The following IL1RAPL1 variants were observed in gnomAD, a reference collection of about 807,000 sequenced individuals.
The protein encoded by IL1RAPL1 is interleukin-1 receptor accessory protein-like 1.
A neutral mutation model predicts 48.4 loss-of-function variants in IL1RAPL1; 3 were observed. The ratio of observed to expected loss-of-function variants is 0.06; its 90% CI spans 0.03 to 0.16. The LOEUF is 0.16. Ranked by LOEUF, IL1RAPL1 falls within the 10% of genes least tolerant of loss-of-function variation. IL1RAPL1 has a pLI of 1.00. For synonymous variants in IL1RAPL1, 185 were observed against 187.7 expected, an observed-to-expected ratio of 0.99 and a Z score of 0.12; for missense variants, 349 against 530.6, an observed-to-expected ratio of 0.66 and a Z score of 3.36.
At chrX:28,589,322 C>G (rs1342579267) in intron 1 of IL1RAPL1, among the ~76,000 whole-genome samples, 1 of 111,340 alleles carries the variant, frequency 9.0e-6, no homozygotes, top group Non-Finnish European at 1.9e-5. Context: ...GAGAGAGGCT[C>G]CATCACCCTG....
intron 2 of IL1RAPL1, among the ~76,000 whole-genome samples, chrX:29,054,046 T>C: frequency 9.0e-6 from 1 of 111,595 alleles, no homozygotes; most frequent in Non-Finnish European, 1.9e-5. Flanking sequence ...ACATTTGTTA[T>C]TCATTCATCT....
At chrX:28,951,189 G>A (rs1357179591) in intron 2 of IL1RAPL1, among the ~76,000 whole-genome samples, 2 of 103,055 alleles carry the variant, frequency 1.9e-5, no homozygotes, top group Non-Finnish European at 4.0e-5. Context: ...GAGTTAGTGG[G>A]TGCAGCGCAC....
In IL1RAPL1 at chrX:29,545,178, CCTATCTATCTATCTATCTAT is replaced by C. The variant is rs74314245; in HGVS notation, c.704-123207_704-123188del. 4.6e-3 allele frequency among the ~76,000 whole-genome samples: 423 copies of C among 91,838 alleles called. 4 individuals carry two copies. Among genetic ancestry groups the C allele is most frequent in the African/African-American group, 0.013 (316 of 24,953 alleles). 79.8% of individuals were successfully genotyped at this position (91,838 alleles called of 115,157 possible). On this transcript the variant is annotated intron_variant, in intron 5 of 10. Coordinates refer to ENST00000378993, the MANE Select transcript of IL1RAPL1 (RefSeq NM_014271.4). ...GTTACTGCAGCCCTGGAAAACTAATCCTATCTATCTATCTATCTATCTATCTATCTATCTATCTATCTATC... is the reference window on the plus strand; with the variant it reads ...GTTACTGCAGCCCTGGAAAACTAATCCTATCTATCTATCTATCTATCTATC...
chrX:28,686,216 A>G (rs1935108442), intron 1 of IL1RAPL1, among the ~76,000 whole-genome samples: 1 of 112,269 alleles, frequency 8.9e-6, no homozygotes, highest in African/African-American at 3.2e-5. Flanking sequence ...TAAACAAAAC[A>G]CATCATCAGG....
At chrX:28,726,072 A>G (rs1281429104) in intron 1 of IL1RAPL1, among the ~76,000 whole-genome samples, 1 of 112,073 alleles carries the variant, frequency 8.9e-6, no homozygotes, top group Non-Finnish European at 1.9e-5. Context: ...TTTTTTCTAA[A>G]TTGTGAAGAA....
chrX:28,729,931 G>C (rs1935733538), intron 1 of IL1RAPL1, among the ~76,000 whole-genome samples: 1 of 111,366 alleles, frequency 9.0e-6, no homozygotes, highest in African/African-American at 3.3e-5. Context: ...AGGAGGCGGA[G>C]CTTGCAGTGA....
chrX:28,693,894 A>G (rs896799681), intron 1 of IL1RAPL1, among the ~76,000 whole-genome samples: 3 of 111,773 alleles, frequency 2.7e-5, no homozygotes, highest in African/African-American at 9.8e-5. Context: ...TCAATATTCA[A>G]TTATATAAGA....
At chrX:29,915,878 T>C (rs1245543136) in intron 6 of IL1RAPL1, among the ~76,000 whole-genome samples, 1 of 73,289 alleles carries the variant, frequency 1.4e-5, no homozygotes, top group African/African-American at 5.0e-5. Flanking sequence ...TAGGTATATC[T>C]CCCAATGCTA....
At chrX:29,754,126 C>T (rs774734462) in intron 6 of IL1RAPL1, among the ~76,000 whole-genome samples, 2 of 111,685 alleles carry the variant, frequency 1.8e-5, no homozygotes, top group Non-Finnish European at 3.8e-5. Context: ...AATTCTACTC[C>T]TTCAAGTGCG....
At chrX:29,560,646 G>A (rs764220414) in intron 5 of IL1RAPL1, among the ~76,000 whole-genome samples, 41 of 111,411 alleles carry the variant, frequency 3.7e-4, no homozygotes, top group South Asian at 7.5e-4. Context: ...GCTTTATCAC[G>A]TCTGCTATTT....
At chrX:29,812,306 T>C (rs1292731071) in intron 6 of IL1RAPL1, among the ~76,000 whole-genome samples, 3 of 112,260 alleles carry the variant, frequency 2.7e-5, no homozygotes, top group Middle Eastern at 4.3e-3. Context: ...TTATTTCCTT[T>C]TTTATGCTTT....
intron 2 of IL1RAPL1, among the ~76,000 whole-genome samples, chrX:28,911,198 G>T (rs1190290965): frequency 9.0e-6 from 1 of 111,454 alleles, no homozygotes; most frequent in East Asian, 2.8e-4. Flanking sequence ...GTAATGCATA[G>T]TATCACATCA....
chrX:28,800,469 T>C (rs181216664), intron 2 of IL1RAPL1, among the ~76,000 whole-genome samples: 90 of 111,181 alleles, frequency 8.1e-4, no homozygotes, highest in African/African-American at 2.5e-3. Context: ...AGGGAAAACA[T>C]GCAGAGAGAG....
chrX:29,338,385 G>T (rs1933026908), intron 3 of IL1RAPL1, among the ~76,000 whole-genome samples: 1 of 111,891 alleles, frequency 8.9e-6, no homozygotes, highest in South Asian at 3.7e-4. Context: ...TTCTAAGAAG[G>T]TTTTGTAGAT....
intron 2 of IL1RAPL1, among the ~76,000 whole-genome samples, chrX:29,054,277 T>C (rs1341781457): frequency 9.0e-6 from 1 of 111,422 alleles, no homozygotes; most frequent in Non-Finnish European, 1.9e-5. Flanking sequence ...TTGAAATTGC[T>C]ATTCCCTCTT....
intron 8 of IL1RAPL1, among the ~76,000 whole-genome samples, chrX:29,924,243 G>A (rs1184608143): frequency 8.9e-6 from 1 of 112,097 alleles, no homozygotes; most frequent in African/African-American, 3.2e-5. Context: ...TCTGGCTAAT[G>A]AAGGATGCAG....
At position 29,464,976 on chromosome X, in the gene IL1RAPL1, G is replaced by T. The variant is rs72625532; in HGVS notation, c.703+65668G>T. On this transcript the variant is annotated intron_variant, in intron 5 of 10. Transcript: ENST00000378993. ...GAAAAACTACCTATTGGGTACTATGGTTATTACCTGGGTGACAAAATAATC... is the reference window on the plus strand; with the variant it reads ...GAAAAACTACCTATTGGGTACTATGTTTATTACCTGGGTGACAAAATAATC... Among the ~76,000 whole-genome samples, 107 of 111,661 alleles carry T rather than the reference G, an allele frequency of 9.6e-4. 4 individuals are homozygous for T. The East Asian group carries it at 0.025, about 26-fold the overall frequency.
chrX:29,048,237 A>C (rs1927018781), intron 2 of IL1RAPL1, among the ~76,000 whole-genome samples: 1 of 112,269 alleles, frequency 8.9e-6, no homozygotes, highest in Admixed American at 9.5e-5. Flanking sequence ...AGTAAACTAA[A>C]CCATCCAAGA....
chrX:29,566,913 T>G (rs1329107086), intron 5 of IL1RAPL1, among the ~76,000 whole-genome samples: 1 of 111,817 alleles, frequency 8.9e-6, no homozygotes, highest in Admixed American at 9.5e-5. Context: ...GGAATTTATA[T>G]CAAAAGCAGG....
Sources: gnomAD v4.1 joint callset for allele counts (sites outside exome capture counted in the v4.1 genomes callset) on GRCh38, gnomAD v4.1.1 for gene constraint, MANE v1.5 for transcripts, NCBI Gene and HGNC (gene_info 2026-07-23, HGNC 2026-07-21) for gene names.